The following PRKG1 variants were observed in gnomAD, a reference collection of about 807,000 sequenced individuals.
The protein encoded by PRKG1 is cGMP-dependent protein kinase 1.
A neutral mutation model predicts 88.1 loss-of-function variants in PRKG1; 35 were observed. The observed-to-expected ratio is 0.40, with a 90% CI of 0.30 to 0.53. The LOEUF is 0.53. Ranked by LOEUF, PRKG1 falls within the 20% of genes least tolerant of loss-of-function variation. PRKG1 has a pLI of 0.59. For synonymous variants in PRKG1, 303 were observed against 292.5 expected (o/e 1.04, Z -0.37); for missense variants, 540 against 839.8 (o/e 0.64, Z 4.41).
chr10:52,054,684 G>A, intron 6 of PRKG1, 123 bp downstream of exon 6: 1 of 739,666 alleles, frequency 1.4e-6, no homozygotes, highest in Non-Finnish European at 2.2e-6. Flanking sequence ...GACACAGAGA[G>A]GTATTAGAGA....
At chr10:51,988,931 CTTGT>C (rs1161033574) in intron 5 of PRKG1, among the ~76,000 whole-genome samples, 2 of 151,340 alleles carry the variant, frequency 1.3e-5, no homozygotes, top group East Asian at 3.9e-4. Flanking sequence ...TTTTTTCTGT[CTTGT>C]TTAAGAAATA....
chr10:51,449,940 G>A (rs1839387107), intron 2 of PRKG1, among the ~76,000 whole-genome samples: 1 of 151,828 alleles, frequency 6.6e-6, no homozygotes, highest in African/African-American at 2.4e-5. Context: ...ATGCGAATCA[G>A]TGAATAAACT....
At chr10:52,129,232 T>C (rs1465010133) in intron 7 of PRKG1, among the ~76,000 whole-genome samples, 1 of 152,196 alleles carries the variant, frequency 6.6e-6, no homozygotes, top group Non-Finnish European at 1.5e-5. Flanking sequence ...CTGATAAAAA[T>C]ACATTTAATA....
chr10:51,094,038 G>A lies in PRKG1; in HGVS notation c.311+19137G>A, dbSNP rs561174102. Among the ~76,000 whole-genome samples the A allele has an allele frequency of 1.1e-3, 170 of 151,926 alleles. 1 individual carries two copies. The highest frequency in any genetic ancestry group is 4.0e-3 in the African/African-American group (166 of 41,454). ...CCCAGGCTTTAGACCCCAGAATGGT[G>A]CTTGGCACAGTAGATGTGCAGTGAA... On this transcript the variant is annotated intron_variant, in intron 1 of 17. Coordinates refer to ENST00000373980, the MANE Select transcript of PRKG1 (RefSeq NM_006258.4).
At chr10:51,874,061 A>G (rs1841229776) in intron 4 of PRKG1, among the ~76,000 whole-genome samples, 3 of 152,314 alleles carry the variant, frequency 2.0e-5, no homozygotes, top group East Asian at 1.9e-4. Flanking sequence ...TAGCCAGTGT[A>G]TGGAAAATTA....
rs1222617492 is a variant in PRKG1 at position 51,266,516 on chromosome 10, C to A, written c.478+113186C>A. ...TAGCAGACTCTTTCTTCCTGAGAAGCCAGTTTCAAAATTGATAAGAATTTG... is the reference window on the plus strand; with the variant it reads ...TAGCAGACTCTTTCTTCCTGAGAAGACAGTTTCAAAATTGATAAGAATTTG... On this transcript the variant is annotated intron_variant, in intron 2 of 17. Coordinates refer to ENST00000373980, the MANE Select transcript of PRKG1 (RefSeq NM_006258.4). Among the ~76,000 whole-genome samples the A allele has an allele frequency of 3.9e-5, 6 of 152,120 alleles. No individual in the cohort carries two copies. The South Asian group carries it at 1.2e-3, about 32-fold the overall frequency.
In PRKG1 at chr10:51,411,756, C is replaced by T. The variant is rs1439236133; in HGVS notation, c.479-55967C>T. 3.9e-5 allele frequency among the ~76,000 whole-genome samples: 6 copies of T among 152,254 alleles called. No homozygotes were observed. The East Asian group carries it at 9.7e-4, about 25-fold the overall frequency. On this transcript the variant is annotated intron_variant, in intron 2 of 17. Transcript: ENST00000373980. ...AGCCAGAACAGAGCAAAGCCCTTCA[C>T]CCATATGCTCCTCTTGAATATTTTA...
intron 2 of PRKG1, among the ~76,000 whole-genome samples, chr10:51,453,799 G>A (rs894183692): frequency 6.6e-6 from 1 of 152,016 alleles, no homozygotes; most frequent in Non-Finnish European, 1.5e-5. Context: ...TAAAGAGGAA[G>A]TTAAACTGTT....
At chr10:51,764,754 T>G (rs2132533989) in intron 3 of PRKG1, among the ~76,000 whole-genome samples, 1 of 152,302 alleles carries the variant, frequency 6.6e-6, no homozygotes, top group South Asian at 2.1e-4. Context: ...CCCCCCAAAA[T>G]TAGGTGTTGA....
intron 10 of PRKG1, 27 bp from the exon 11 acceptor site, chr10:52,271,323 T>A (rs1841725027): frequency 6.2e-7 from 1 of 1,607,298 alleles, no homozygotes; most frequent in Admixed American, 1.7e-5. Flanking sequence ...ATGGGCTTTT[T>A]CTTACTCTCT....
chr10:52,201,923 GA>G (rs1289626424), intron 9 of PRKG1, among the ~76,000 whole-genome samples: 1 of 152,116 alleles, frequency 6.6e-6, no homozygotes, highest in Non-Finnish European at 1.5e-5. Context: ...AAACTTTGCT[GA>G]AGTTGTTTTT....
chr10:51,559,536 CT>C (rs560541586), intron 3 of PRKG1, among the ~76,000 whole-genome samples: 33 of 152,158 alleles, frequency 2.2e-4, no homozygotes, highest in South Asian at 1.0e-3. Context: ...CCAAACAAGA[CT>C]TTTTTCATAG....
intron 3 of PRKG1, among the ~76,000 whole-genome samples, chr10:51,558,288 A>T (rs982933369): frequency 6.6e-6 from 1 of 152,226 alleles, no homozygotes; most frequent in African/African-American, 2.4e-5. Context: ...TTACCAATAT[A>T]TACTATGTCC....
chr10:52,056,643 A>G (rs1846117416), intron 6 of PRKG1, among the ~76,000 whole-genome samples: 3 of 152,222 alleles, frequency 2.0e-5, no homozygotes, highest in Non-Finnish European at 4.4e-5. Flanking sequence ...CTCTTGACAC[A>G]TTCAAGATCT....
chr10:51,212,002 T>C (rs1205882597), intron 2 of PRKG1, among the ~76,000 whole-genome samples: 1 of 152,074 alleles, frequency 6.6e-6, no homozygotes, highest in Non-Finnish European at 1.5e-5. Context: ...GAGCCTGCAT[T>C]GCCAAGTCAA....
chr10:51,305,562 C>G (rs529170785), intron 2 of PRKG1, among the ~76,000 whole-genome samples: 3 of 152,220 alleles, frequency 2.0e-5, no homozygotes, highest in African/African-American at 7.2e-5. Context: ...ACCTGTTTAC[C>G]TTGCAGAAGC....
chr10:52,206,511 G>A (rs1839823143), intron 9 of PRKG1, among the ~76,000 whole-genome samples: 1 of 152,202 alleles, frequency 6.6e-6, no homozygotes, highest in South Asian at 2.1e-4. Flanking sequence ...CAGAGTACTT[G>A]CACTGGTTCT....
chr10:52,212,104 T>C (rs1311788264), intron 9 of PRKG1, among the ~76,000 whole-genome samples: 1 of 152,106 alleles, frequency 6.6e-6, no homozygotes, highest in Non-Finnish European at 1.5e-5. Context: ...AGAACTAGAA[T>C]AAATTCAGAG....
At position 51,659,535 on chromosome 10, in the gene PRKG1, T is replaced by TAA. The variant is rs1448207846; in HGVS notation, c.593-145050_593-145049insAA. Among the ~76,000 whole-genome samples, 112 of 152,224 alleles carry TAA rather than the reference T, an allele frequency of 7.4e-4. 1 individual carries two copies. The highest frequency in any genetic ancestry group is 3.9e-3 in the South Asian group (19 of 4,830). ...TGATGTGATGACTAAAAGGCTTGAC[T>TAA]CAGTCCATTGGAAATATGAGACTAA... On this transcript the variant is annotated intron_variant, in intron 3 of 17. Transcript: ENST00000373980.
Sources: gnomAD v4.1 joint callset for allele counts (sites outside exome capture counted in the v4.1 genomes callset) on GRCh38, gnomAD v4.1.1 for gene constraint, MANE v1.5 for transcripts, NCBI Gene and HGNC (gene_info 2026-07-23, HGNC 2026-07-21) for gene names.